MYO7A: variants seen among roughly 807,000 people sequenced by gnomAD.
The protein encoded by MYO7A is myosin VIIA, also known as unconventional myosin-VIIa.
MYO7A carries 210 observed loss-of-function variants against 263.8 expected under a neutral mutation model. That is an observed-to-expected ratio of 0.80 (90% CI 0.71 to 0.89). The LOEUF (loss-of-function observed/expected upper bound fraction) is 0.89. MYO7A is among the 40% of genes least tolerant of loss of function. The pLI, the probability that MYO7A is intolerant of heterozygous loss-of-function variation, is 0.00. For missense variants in MYO7A, 2,820 were observed against 2,968.3 expected, an observed-to-expected ratio of 0.95 and a Z score of 1.16; for synonymous variants, 1,239 against 1,197.3, an observed-to-expected ratio of 1.03 and a Z score of -0.72.
chr11:77,184,978 A>C, intron 27 of MYO7A: 1 of 675,438 alleles, frequency 1.5e-6, no homozygotes, highest in African/African-American at 1.8e-5. Flanking sequence ...ATATCACAAT[A>C]AAGAGAGCTG....
At chr11:77,158,855 C>A (rs910058463) in intron 9 of MYO7A, among the ~76,000 whole-genome samples, 1 of 152,194 alleles carries the variant, frequency 6.6e-6, no homozygotes, top group Admixed American at 6.5e-5. Flanking sequence ...TTCTTGGACA[C>A]CCACTATGTG....
intron 23 of MYO7A, among the ~76,000 whole-genome samples, 176 bp from the exon 24 acceptor site, chr11:77,181,775 T>A (rs1955217512): frequency 3.3e-5 from 1 of 30,048 alleles, no homozygotes; most frequent in Admixed American, 4.2e-4. Flanking sequence ...AAGTTTTTTT[T>A]TTTGTTTTTT....
chr11:77,183,058 G>T lies in MYO7A; in HGVS notation c.3286-10G>T. On this transcript the variant is annotated splice_polypyrimidine_tract_variant and intron_variant, in intron 25 of 48. Coordinates refer to ENST00000409709, the MANE Select transcript of MYO7A (RefSeq NM_000260.4). ...CAGCCACTTGACCCTGATCCCTGCT[G>T]GTCCTGCAGGCCCAGCTCCCCGAGG... The T allele has an allele frequency of 6.4e-7, 1 of 1,550,508 alleles. No individual in the cohort carries two copies. The highest frequency in any genetic ancestry group is 8.7e-7 in the Non-Finnish European group (1 of 1,146,568).
intron 1 of MYO7A, among the ~76,000 whole-genome samples, chr11:77,129,858 G>T (rs1413440229): frequency 1.3e-5 from 2 of 152,210 alleles, no homozygotes; most frequent in African/African-American, 4.8e-5. Context: ...CGTATTTCAG[G>T]AACAGTGAGT....
chr11:77,204,345 G>C (rs1957291599), intron 39 of MYO7A, 116 bp downstream of exon 39: 1 of 1,389,118 alleles, frequency 7.2e-7, no homozygotes, highest in Non-Finnish European at 9.8e-7. Context: ...CTCACACAGA[G>C]CCGGGAGCTG....
intron 24 of MYO7A, 69 bp from the exon 25 acceptor site, chr11:77,182,355 C>T (rs536224042): frequency 1.7e-4 from 252 of 1,504,918 alleles, no homozygotes; most frequent in Non-Finnish European, 2.1e-4. Context: ...CTCCCCAAAC[C>T]GCCAGGTCAT....
At position 77,204,205 on chromosome 11, in the gene MYO7A, A is replaced by G; in HGVS notation, c.5456A>G (p.Lys1819Arg). The G allele has an allele frequency of 6.3e-7, 1 of 1,579,790 alleles. No individual in the cohort carries two copies. Among genetic ancestry groups the G allele is most frequent in the Non-Finnish European group, 8.6e-7 (1 of 1,163,228 alleles). The change falls in exon 39 of 49, where the codon AAG becomes AGG. Residue 1819 changes from lysine to arginine, a missense_variant. Lys to Arg is a conservative substitution (Grantham distance 26). Transcript: ENST00000409709. ...LKDEAYVQIL[K>R]QLTDNHIRYS... ...GACGAGGCATATGTGCAGATCCTGA[A>G]GCAGCTGACCGACAACCACATCAGG...
In MYO7A at chr11:77,183,103, G is replaced by A; in HGVS notation, c.3321G>A (p.Val1107=). The A allele has an allele frequency of 6.4e-7, 1 of 1,552,124 alleles. No homozygotes were observed. Among genetic ancestry groups the A allele is most frequent in the African/African-American group, 1.4e-5 (1 of 73,238 alleles). Reference sequence around the variant, plus strand: ...CCGAGGGCCAGAAGAAGAGCAGTGTGAGGCACAAGCTGGTGCATTTGACTC... The same window carrying A: ...CCGAGGGCCAGAAGAAGAGCAGTGTAAGGCACAAGCTGGTGCATTTGACTC... ...QLPEGQKKSS[V]RHKLVHLTLK... Residue 1107 remains valine, a synonymous_variant, in exon 26 of 49, where the codon GTG becomes GTA. Transcript: ENST00000409709.
intron 2 of MYO7A, among the ~76,000 whole-genome samples, chr11:77,137,543 C>T (rs1950952800): frequency 6.6e-6 from 1 of 152,176 alleles, no homozygotes; most frequent in Non-Finnish European, 1.5e-5. Context: ...AGAGGAGTCA[C>T]AGGGCCTGGG....
intron 9 of MYO7A, among the ~76,000 whole-genome samples, chr11:77,158,854 A>G (rs1280519992): frequency 1.3e-5 from 2 of 152,172 alleles, no homozygotes; most frequent in Non-Finnish European, 2.9e-5. Flanking sequence ...ATTCTTGGAC[A>G]CCCACTATGT....
At chr11:77,183,871 T>C (rs1955454327) in intron 26 of MYO7A, among the ~76,000 whole-genome samples, 1 of 152,202 alleles carries the variant, frequency 6.6e-6, no homozygotes, top group Non-Finnish European at 1.5e-5. Flanking sequence ...AATCCAGCCT[T>C]GCAGGTGTGT....
At chr11:77,183,350 G>A (rs553746664) in intron 26 of MYO7A, among the ~76,000 whole-genome samples, 193 bp downstream of exon 26, 133 of 152,278 alleles carry the variant, frequency 8.7e-4, no homozygotes, top group African/African-American at 3.2e-3. Flanking sequence ...AGGAGTGTCT[G>A]AAGAGGGTGG....
intron 2 of MYO7A, among the ~76,000 whole-genome samples, chr11:77,140,802 A>G (rs1951165207): frequency 6.6e-6 from 1 of 152,180 alleles, no homozygotes; most frequent in South Asian, 2.1e-4. Context: ...GTTCTCTTCC[A>G]CGCCCAAGCC....
chr11:77,190,841 T>G lies in MYO7A; in HGVS notation c.3895T>G (p.Phe1299Val). Residue 1299 changes from phenylalanine to valine, a missense_variant, in exon 30 of 49, where the codon TTC becomes GTC. Coordinates refer to ENST00000409709, the MANE Select transcript of MYO7A (RefSeq NM_000260.4). ...GATCTCTCTCAAGGACCGGTTCGGG[T>G]TCTCCCTCTACATTGCCCTGTTTGA... is the stretch of plus-strand genomic sequence containing the variant. ...DKISLKDRFGFSLYIALFDKV... is the reference protein window; with the variant it reads ...DKISLKDRFGVSLYIALFDKV... 1 of 1,585,454 alleles carries G rather than the reference T, an allele frequency of 6.3e-7. No homozygotes were observed. Among genetic ancestry groups the G allele is most frequent in the Non-Finnish European group, 8.6e-7 (1 of 1,166,286 alleles).
intron 37 of MYO7A, 119 bp downstream of exon 37, chr11:77,202,543 C>CA: frequency 7.4e-7 from 1 of 1,348,622 alleles, no homozygotes; most frequent in Non-Finnish European, 9.9e-7. Flanking sequence ...GGGCCTGGGT[C>CA]AGAGGGAGCT....
rs1458763379 is a variant in MYO7A, at chr11:77,158,501, G to A, written c.1003+71G>A. ...CAGTGCAGTGCCTTGCTGCCCACGT[G>A]GTATTGGCAGCTCAGTTTCTGTCCT... On this transcript the variant is annotated intron_variant, in intron 9 of 48. Coordinates refer to ENST00000409709, the MANE Select transcript of MYO7A (RefSeq NM_000260.4). The A allele has an allele frequency of 2.6e-6, 4 of 1,514,812 alleles. No individual in the cohort carries two copies. The East Asian group carries it at 9.4e-5, about 36-fold the overall frequency. 93.8% of individuals were successfully genotyped at this position (1,514,812 alleles called of 1,614,324 possible).
At chr11:77,145,695 C>T (rs1951512911) in intron 3 of MYO7A, among the ~76,000 whole-genome samples, 1 of 152,174 alleles carries the variant, frequency 6.6e-6, no homozygotes, top group Non-Finnish European at 1.5e-5. Context: ...TAACAGTACC[C>T]ACCCCCTCGC....
intron 24 of MYO7A, 104 bp downstream of exon 24, chr11:77,182,258 G>A (rs1955296404): frequency 6.7e-7 from 1 of 1,486,000 alleles, no homozygotes; most frequent in African/African-American, 1.4e-5. Context: ...GTGGGTCCCT[G>A]GGGGCCAGGG....
At chr11:77,192,685 G>T (rs1956179864) in intron 31 of MYO7A, among the ~76,000 whole-genome samples, 2 of 152,216 alleles carry the variant, frequency 1.3e-5, no homozygotes, top group South Asian at 2.1e-4. Context: ...GAGGACAGGA[G>T]TTATGTGGTT....
Sources: gnomAD v4.1 joint callset for allele counts (sites outside exome capture counted in the v4.1 genomes callset) on GRCh38, gnomAD v4.1.1 for gene constraint, MANE v1.5 for transcripts, NCBI Gene and HGNC (gene_info 2026-07-23, HGNC 2026-07-21) for gene names.